Variants in COTL1 observed in about 807,000 individuals in gnomAD.
COTL1 encodes the protein coactosin like F-actin binding protein 1.
In COTL1, 15 loss-of-function variants were observed where a neutral mutation model predicts 16.5. That is an observed-to-expected ratio of 0.91 (90% CI 0.61 to 1.40). The LOEUF is 1.40. Ranked by LOEUF, COTL1 falls within the 40% of genes most tolerant of loss-of-function variation. The pLI is 0.00. For missense variants in COTL1, 220 were observed against 201.5 expected, an observed-to-expected ratio of 1.09 and a Z score of -0.56; for synonymous variants, 112 against 85.3, an observed-to-expected ratio of 1.31 and a Z score of -1.73.
chr16:84,608,507 G>A (rs796800279), intron 2 of COTL1, among the ~76,000 whole-genome samples: 1 of 152,216 alleles, frequency 6.6e-6, no homozygotes, highest in Admixed American at 6.5e-5. Context: ...GCGTGGCTCA[G>A]GGCCTCCCAG....
chr16:84,593,661 G>T (rs539408666), intron 2 of COTL1, among the ~76,000 whole-genome samples: 5 of 151,970 alleles, frequency 3.3e-5, no homozygotes, highest in Admixed American at 2.0e-4. Context: ...ACAGGCGCCC[G>T]CCACCACGCC....
At chr16:84,585,777 A>G (rs1256356355) in intron 3 of COTL1, among the ~76,000 whole-genome samples, 2 of 152,250 alleles carry the variant, frequency 1.3e-5, no homozygotes, top group African/African-American at 2.4e-5. Flanking sequence ...TTGCAACTGC[A>G]GTATAAATGT....
intron 2 of COTL1, chr16:84,594,523 A>G (rs1179118932): frequency 1.3e-5 from 2 of 152,272 alleles, no homozygotes; most frequent in African/African-American, 4.8e-5. Flanking sequence ...GAGTGTCGTC[A>G]GAGCATCAAC....
At chr16:84,597,205 G>C (rs1405952713) in intron 2 of COTL1, among the ~76,000 whole-genome samples, 2 of 152,186 alleles carry the variant, frequency 1.3e-5, no homozygotes, top group Non-Finnish European at 2.9e-5. Flanking sequence ...CTTGAGGAGA[G>C]ATGGAAGACA....
chr16:84,568,735 T>C (rs1311395628), intron 3 of COTL1: 1 of 152,232 alleles, frequency 6.6e-6, no homozygotes, highest in African/African-American at 2.4e-5. Flanking sequence ...ACTGAAAAAG[T>C]ACACTTAGGA....
At chr16:84,570,362 G>A (rs1030573163) in intron 3 of COTL1, among the ~76,000 whole-genome samples, 10 of 151,888 alleles carry the variant, frequency 6.6e-5, no homozygotes, top group Non-Finnish European at 1.5e-4. Context: ...AAAACCACAA[G>A]TACTTAGGAA....
At chr16:84,588,221 A>AAATAATAAT (rs57708132) in intron 3 of COTL1, among the ~76,000 whole-genome samples, 2,259 of 150,334 alleles carry the variant, frequency 0.015, 59 homozygotes, top group African/African-American at 0.051. Flanking sequence ...TCTCTCTTAA[A>AAATAATAAT]AATAATAATA....
At chr16:84,615,043 T>A (rs1280848252) in intron 2 of COTL1, among the ~76,000 whole-genome samples, 1 of 152,152 alleles carries the variant, frequency 6.6e-6, no homozygotes, top group African/African-American at 2.4e-5. Flanking sequence ...ATGACCAAGA[T>A]AAGGCACGTC....
intron 3 of COTL1, among the ~76,000 whole-genome samples, chr16:84,569,728 C>T (rs1023821798): frequency 1.4e-4 from 21 of 152,118 alleles, no homozygotes; most frequent in African/African-American, 4.6e-4. Flanking sequence ...GTATGTGATC[C>T]GTGCAATGAA....
intron 2 of COTL1, chr16:84,615,973 A>C (rs1175127466): frequency 6.6e-6 from 1 of 152,158 alleles, no homozygotes; most frequent in East Asian, 1.9e-4. Flanking sequence ...TTGATTATGG[A>C]AGCAGTTAAG....
rs923289368 is a variant in COTL1, at chr16:84,590,096, A to G, written c.318+9T>C. The G allele has an allele frequency of 2.5e-6, 4 of 1,608,538 alleles. No homozygotes were observed. The highest frequency in any genetic ancestry group is 3.4e-6 in the Non-Finnish European group (4 of 1,175,656). ...GCTTTGACCTCCAGACTCTGGAGGA[A>G]CTCAGTACCTGTACGACCTCCTTCA... On this transcript the variant is annotated intron_variant, in intron 3 of 3. Coordinates refer to ENST00000262428, the MANE Select transcript of COTL1 (RefSeq NM_021149.5). The surrounding 1 kb of genome is among the most constrained non-coding windows in gnomAD (Gnocchi z 5.5).
chr16:84,611,573 C>G (rs1905326356), intron 2 of COTL1, among the ~76,000 whole-genome samples: 2 of 152,296 alleles, frequency 1.3e-5, no homozygotes, highest in African/African-American at 4.8e-5. Context: ...GGACAGGCGC[C>G]TTTTCTGCTT....
intron 2 of COTL1, among the ~76,000 whole-genome samples, chr16:84,602,208 TG>T (rs35678493): frequency 0.53 from 77,379 of 145,996 alleles, 20,306 homozygotes; most frequent in East Asian, 0.76. Context: ...TCAATGGGGG[TG>T]GGGGGGGTGC....
chr16:84,605,038 C>A (rs1413514838), intron 2 of COTL1, among the ~76,000 whole-genome samples: 4 of 152,230 alleles, frequency 2.6e-5, no homozygotes, highest in African/African-American at 9.6e-5. Context: ...AATTAAGGAG[C>A]ATTGCTCCCC....
intron 2 of COTL1, chr16:84,616,531 A>ATAAATAAATAAATAAG: frequency 6.6e-6 from 1 of 151,920 alleles, no homozygotes; most frequent in Admixed American, 6.6e-5. Flanking sequence ...AAATAAATAA[A>ATAAATAAATAAATAAG]TAAGTAACCC....
intron 2 of COTL1, among the ~76,000 whole-genome samples, chr16:84,600,636 C>A (rs1258310120): frequency 6.6e-6 from 1 of 152,192 alleles, no homozygotes; most frequent in Non-Finnish European, 1.5e-5. Flanking sequence ...TTTATGTGAT[C>A]CGCATTGTGT....
intron 2 of COTL1, among the ~76,000 whole-genome samples, chr16:84,614,915 C>G (rs1427417494): frequency 2.0e-5 from 3 of 152,202 alleles, no homozygotes; most frequent in Non-Finnish European, 4.4e-5. Context: ...CAAGTCCCAA[C>G]TCTGCCACTT....
chr16:84,569,718 G>A (rs566131228), intron 3 of COTL1, among the ~76,000 whole-genome samples: 19 of 152,338 alleles, frequency 1.2e-4, no homozygotes, highest in African/African-American at 4.3e-4. Context: ...GTTACTAAGT[G>A]TATGTGATCC....
At chr16:84,568,645 T>C (rs956478282) in intron 3 of COTL1, 2 of 152,174 alleles carry the variant, frequency 1.3e-5, no homozygotes, top group Middle Eastern at 3.4e-3. Context: ...GAGCTGGAGA[T>C]GGGAACAGGA....
Sources: allele counts gnomAD v4.1 joint callset (sites outside exome capture counted in the v4.1 genomes callset), GRCh38; gene constraint gnomAD v4.1.1; non-coding constraint Gnocchi (gnomAD v3.1); transcripts MANE v1.5; gene names NCBI Gene and HGNC (gene_info 2026-07-23, HGNC 2026-07-21).